Variants in HECW1 observed in about 807,000 individuals in gnomAD.
HECW1 encodes HECT, C2 and WW domain containing E3 ubiquitin protein ligase 1, also known as E3 ubiquitin-protein ligase HECW1.
HECW1 carries 61 observed loss-of-function variants against 182.3 expected under a neutral mutation model. The observed-to-expected ratio is 0.33, with a 90% CI of 0.27 to 0.41. The LOEUF (loss-of-function observed/expected upper bound fraction) is 0.41, where lower values mean the gene tolerates loss of function less well. Ranked by LOEUF, HECW1 falls within the 10% of genes least tolerant of loss-of-function variation. The pLI, the probability that HECW1 is intolerant of heterozygous loss-of-function variation, is 1.00. For synonymous variants in HECW1, 859 were observed against 832.6 expected (o/e 1.03, Z -0.55); for missense variants, 1,739 against 2,108.9 (o/e 0.82, Z 3.44).
At chr7:43,372,240 A>G (rs1286269056) in intron 6 of HECW1, among the ~76,000 whole-genome samples, 1 of 152,226 alleles carries the variant, frequency 6.6e-6, no homozygotes, top group Non-Finnish European at 1.5e-5. Context: ...ATAACAAGAA[A>G]TGAGTAACAG....
Position 43,215,402 on chromosome 7 carries a change from G to A in HECW1, c.-31-28473G>A, listed in dbSNP as rs537311531. Among the ~76,000 whole-genome samples, 64 of 152,368 alleles carry A rather than the reference G, an allele frequency of 4.2e-4. No individual in the cohort carries two copies. In the Middle Eastern group the frequency reaches 0.01, roughly 24 times the overall value. On this transcript the variant is annotated intron_variant, in intron 2 of 29. Coordinates refer to ENST00000395891, the MANE Select transcript of HECW1 (RefSeq NM_015052.5). ...AGTGCTGGCTAGACGGCAATCCTAC[G>A]TAATGCTATGGATTCCACTGTTGCA...
rs560307902 is a variant in HECW1 at position 43,390,367 on chromosome 7, C to T, written c.556-6447C>T. ...CAGCCTGGGCAACATAGTGAGACCC[C>T]GTTCCTACAAAAAAATTTTTTTAAT... is the stretch of plus-strand genomic sequence containing the variant. On this transcript the variant is annotated intron_variant, in intron 6 of 29. Transcript: ENST00000395891. Among the ~76,000 whole-genome samples, 9 of 151,930 alleles carry T rather than the reference C, an allele frequency of 5.9e-5. No homozygotes were observed. The South Asian group carries it at 1.3e-3, about 21-fold the overall frequency.
At chr7:43,467,821 G>C (rs1236851164) in intron 15 of HECW1, among the ~76,000 whole-genome samples, 2 of 152,208 alleles carry the variant, frequency 1.3e-5, no homozygotes, top group East Asian at 3.9e-4. Context: ...GAGTGAGGCA[G>C]TGACCGCACT....
At chr7:43,483,432 A>AC (rs2078507619) in intron 17 of HECW1, among the ~76,000 whole-genome samples, 1 of 151,886 alleles carries the variant, frequency 6.6e-6, no homozygotes, top group Non-Finnish European at 1.5e-5. Flanking sequence ...TGGTAGCATT[A>AC]CCCCAGTGAA....
intron 3 of HECW1, among the ~76,000 whole-genome samples, chr7:43,293,921 G>A (rs1031754855): frequency 5.9e-5 from 9 of 152,208 alleles, no homozygotes; most frequent in South Asian, 2.1e-4. Context: ...TTTCGTAGGA[G>A]CATGAACCCT....
chr7:43,472,085 G>A (rs1311911766), intron 16 of HECW1, among the ~76,000 whole-genome samples: 3 of 152,168 alleles, frequency 2.0e-5, no homozygotes, highest in Non-Finnish European at 4.4e-5. Context: ...TAAGATTGCA[G>A]GGAAAAGCAA....
intron 13 of HECW1, among the ~76,000 whole-genome samples, chr7:43,462,382 GT>G (rs534464503): frequency 2.0e-5 from 3 of 150,780 alleles, no homozygotes; most frequent in Admixed American, 1.3e-4. Flanking sequence ...GCCCTGCCTG[GT>G]TTTTTTTTAG....
At chr7:43,175,224 G>A (rs912113251) in intron 2 of HECW1, among the ~76,000 whole-genome samples, 3 of 151,856 alleles carry the variant, frequency 2.0e-5, no homozygotes, top group African/African-American at 7.3e-5. Context: ...AAATCAAGCT[G>A]ATTAACATTC....
chr7:43,435,890 C>T (rs754366837), intron 8 of HECW1, among the ~76,000 whole-genome samples: 3 of 152,258 alleles, frequency 2.0e-5, no homozygotes, highest in Admixed American at 2.0e-4. Context: ...CTAGGCCGGG[C>T]GTGGTGGCTC....
chr7:43,205,242 C>T (rs913405597), intron 2 of HECW1, among the ~76,000 whole-genome samples: 1 of 152,132 alleles, frequency 6.6e-6, no homozygotes, highest in Non-Finnish European at 1.5e-5. Flanking sequence ...CACCACCATG[C>T]CCAGCTAACT....
intron 5 of HECW1, among the ~76,000 whole-genome samples, chr7:43,339,840 G>GC (rs1812740832): frequency 6.6e-6 from 1 of 152,044 alleles, no homozygotes; most frequent in Admixed American, 6.6e-5. Context: ...TTTCAGTGGG[G>GC]CCCCTCTCCC....
intron 24 of HECW1, among the ~76,000 whole-genome samples, chr7:43,528,877 A>G (rs188221490): frequency 6.6e-6 from 1 of 152,204 alleles, no homozygotes; most frequent in Non-Finnish European, 1.5e-5. Flanking sequence ...AATTTGTAAA[A>G]TCATTTCCAC....
intron 7 of HECW1, among the ~76,000 whole-genome samples, chr7:43,398,173 C>T (rs1398548202): frequency 1.3e-5 from 2 of 152,124 alleles, no homozygotes; most frequent in Non-Finnish European, 2.9e-5. Context: ...AGGAGAATGG[C>T]TTGAACATGG....
chr7:43,334,930 T>TCGAAA, intron 5 of HECW1, among the ~76,000 whole-genome samples: 1 of 152,350 alleles, frequency 6.6e-6, no homozygotes, highest in East Asian at 1.9e-4. Flanking sequence ...TCTGTTCTTT[T>TCGAAA]CTTCATATTT....
chr7:43,213,839 G>T (rs1200572130), intron 2 of HECW1, among the ~76,000 whole-genome samples: 1 of 152,006 alleles, frequency 6.6e-6, no homozygotes, highest in Non-Finnish European at 1.5e-5. Context: ...ATCATAAATA[G>T]CTATAGCATT....
intron 2 of HECW1, among the ~76,000 whole-genome samples, chr7:43,142,155 T>C (rs1015725140): frequency 6.6e-6 from 1 of 152,148 alleles, no homozygotes; most frequent in East Asian, 1.9e-4. Context: ...CCTGTTTTTG[T>C]TGTGAACGCC....
chr7:43,273,034 G>A (rs1472925835), intron 3 of HECW1, among the ~76,000 whole-genome samples: 3 of 152,062 alleles, frequency 2.0e-5, no homozygotes, highest in African/African-American at 4.8e-5. Flanking sequence ...TGCATGCAGC[G>A]GGAGGCCATT....
chr7:43,561,340 C>G (rs1348331699), intron 29 of HECW1, among the ~76,000 whole-genome samples: 1 of 152,202 alleles, frequency 6.6e-6, no homozygotes, highest in Non-Finnish European at 1.5e-5. Flanking sequence ...CCAGAGCACA[C>G]TTGACTTGAA....
intron 3 of HECW1, among the ~76,000 whole-genome samples, chr7:43,246,644 C>A (rs1020209479): frequency 1.3e-5 from 2 of 152,200 alleles, no homozygotes; most frequent in African/African-American, 4.8e-5. Context: ...GATCTTTATG[C>A]TACAAAGACA....
Sources: gnomAD v4.1 joint callset for allele counts (sites outside exome capture counted in the v4.1 genomes callset) on GRCh38, gnomAD v4.1.1 for gene constraint, MANE v1.5 for transcripts, NCBI Gene and HGNC (gene_info 2026-07-23, HGNC 2026-07-21) for gene names.